SMIM31: variants seen among roughly 807,000 people sequenced by gnomAD.
SMIM31 encodes the protein small integral membrane protein 31.
At chr4:164,758,637 T>TG (rs1560822468) in intron 1 of SMIM31, among the ~76,000 whole-genome samples, 6 of 125,880 alleles carry the variant, frequency 4.8e-5, no homozygotes, top group East Asian at 4.4e-4. Flanking sequence ...TTTGTTTTTT[T>TG]TTTTTTTTTT....
At chr4:164,780,161 C>T (rs1732928330) in intron 2 of SMIM31, among the ~76,000 whole-genome samples, 1 of 152,228 alleles carries the variant, frequency 6.6e-6, no homozygotes, top group Non-Finnish European at 1.5e-5. Context: ...GGCGCGGTGG[C>T]TCACACCTAT....
chr4:164,756,662 A>G (rs1732566204), intron 1 of SMIM31, among the ~76,000 whole-genome samples: 1 of 151,986 alleles, frequency 6.6e-6, no homozygotes, highest in African/African-American at 2.4e-5. Flanking sequence ...CTTTTACCTA[A>G]TCAAGTTCTA....
chr4:164,758,622 C>CTTTTTTTTTTTTTT (rs779023276), intron 1 of SMIM31, among the ~76,000 whole-genome samples: 1 of 105,430 alleles, frequency 9.5e-6, no homozygotes, highest in Non-Finnish European at 1.9e-5. Flanking sequence ...TGTAGTTTTC[C>CTTTTTTTTTTTTTT]TTTTTTTGTT....
At chr4:164,790,538 T>G (rs1318925881) in intron 2 of SMIM31, among the ~76,000 whole-genome samples, 1 of 152,176 alleles carries the variant, frequency 6.6e-6, no homozygotes, top group Non-Finnish European at 1.5e-5. Context: ...TAAATTAGGC[T>G]TAGTTTTCAT....
At chr4:164,796,472 C>T (rs7667756) in intron 2 of SMIM31, among the ~76,000 whole-genome samples, 84,433 of 151,956 alleles carry the variant, frequency 0.56, 24,152 homozygotes, top group South Asian at 0.65. Context: ...CCTTGGGGAT[C>T]GCTTTTACCT....
At chr4:164,784,371 G>A (rs1732999844) in intron 2 of SMIM31, among the ~76,000 whole-genome samples, 1 of 152,228 alleles carries the variant, frequency 6.6e-6, no homozygotes, top group East Asian at 1.9e-4. Context: ...GTAACTGCTA[G>A]ACGCCGTTGG....
intron 1 of SMIM31, among the ~76,000 whole-genome samples, chr4:164,756,199 C>A (rs777525528): frequency 6.6e-6 from 1 of 152,084 alleles, no homozygotes; most frequent in South Asian, 2.1e-4. Flanking sequence ...AATCCAAACC[C>A]CCGTCAAGAT....
intron 1 of SMIM31, among the ~76,000 whole-genome samples, chr4:164,760,097 A>AG (rs1732625656): frequency 6.6e-6 from 1 of 152,196 alleles, no homozygotes; most frequent in Non-Finnish European, 1.5e-5. Context: ...AAAAGCCAGG[A>AG]GGATAGTGCA....
intron 2 of SMIM31, among the ~76,000 whole-genome samples, chr4:164,793,582 GGCAGCCACTATATC>G (rs1485892591): frequency 6.6e-6 from 1 of 152,164 alleles, no homozygotes; most frequent in Non-Finnish European, 1.5e-5. Context: ...TTGGCTTGTA[GGCAGCCACTATATC>G]GCTGTTTGCT....
At position 164,803,118 on chromosome 4, in the gene SMIM31, G is replaced by A. The variant is rs1236783012; in HGVS notation, c.*1924G>A. The A allele has an allele frequency of 6.6e-6, 1 of 152,146 alleles. No individual in the cohort carries two copies. The highest frequency in any genetic ancestry group is 2.4e-5 in the African/African-American group (1 of 41,416). 9.4% of individuals were successfully genotyped at this position (152,146 alleles called of 1,614,324 possible). The stretch of plus-strand genomic sequence containing the variant: ...ACCTATTATTATTGGAAAGCATTTT[G>A]GGACATTTGGACTTTTAAGTTTACT... On this transcript the variant is annotated 3_prime_UTR_variant, in exon 3 of 3. Transcript: ENST00000507311.
chr4:164,767,314 T>C (rs909570529), intron 1 of SMIM31, among the ~76,000 whole-genome samples: 1 of 152,186 alleles, frequency 6.6e-6, no homozygotes, highest in Non-Finnish European at 1.5e-5. Flanking sequence ...TAACCAGGCT[T>C]TAGTCACTAG....
chr4:164,762,928 G>A (rs1284195138), intron 1 of SMIM31, among the ~76,000 whole-genome samples: 1 of 152,046 alleles, frequency 6.6e-6, no homozygotes, highest in Non-Finnish European at 1.5e-5. Flanking sequence ...CTCTCCTTGG[G>A]CAAAAATAAA....
intron 2 of SMIM31, among the ~76,000 whole-genome samples, chr4:164,797,913 G>A (rs1225397435): frequency 6.6e-6 from 1 of 151,986 alleles, no homozygotes; most frequent in East Asian, 1.9e-4. Context: ...TGTCCCTAAT[G>A]TCTATTACTC....
chr4:164,797,429 T>G (rs1039146187), intron 2 of SMIM31, among the ~76,000 whole-genome samples: 1 of 151,488 alleles, frequency 6.6e-6, no homozygotes, highest in Admixed American at 6.6e-5. Flanking sequence ...TATATATGTA[T>G]GTATGTATTT....
rs367910256 is a variant in SMIM31 at position 164,782,750 on chromosome 4, AATG to A, written c.112+12201_112+12203del. ...TTCACATCAAATAAATTAATATAGA[AATG>A]ATGATAAAATATGTAAACAGTACTG... On this transcript the variant is annotated intron_variant, in intron 2 of 2. Coordinates refer to ENST00000507311, the MANE Select transcript of SMIM31 (RefSeq NM_001352885.1). Among the ~76,000 whole-genome samples, 675 of 152,186 alleles carry A rather than the reference AATG, an allele frequency of 4.4e-3. 5 individuals carry two copies. The highest frequency in any genetic ancestry group is 0.015 in the African/African-American group (630 of 41,478).
At chr4:164,775,875 T>C (rs1732874688) in intron 2 of SMIM31, among the ~76,000 whole-genome samples, 1 of 152,194 alleles carries the variant, frequency 6.6e-6, no homozygotes, top group Admixed American at 6.5e-5. Context: ...TACCCATGTG[T>C]GTGCAGCTGA....
At chr4:164,765,777 T>C (rs961034552) in intron 1 of SMIM31, among the ~76,000 whole-genome samples, 1 of 152,142 alleles carries the variant, frequency 6.6e-6, no homozygotes, top group African/African-American at 2.4e-5. Context: ...AGCCCATAGT[T>C]TTCTAATGTA....
In SMIM31 at chr4:164,794,160, T is replaced by G. The variant is rs117587762; in HGVS notation, c.113-6931T>G. ...GGGAGGCCAAGGCAGGTGGATCATT[T>G]GAGCCCAGGAGTTCCAGACCAGCCT... On this transcript the variant is annotated intron_variant, in intron 2 of 2. Transcript: ENST00000507311. Among the ~76,000 whole-genome samples the G allele has an allele frequency of 4.0e-4, 60 of 151,268 alleles. No individual in the cohort carries two copies. The East Asian group carries it at 0.011, about 28-fold the overall frequency.
chr4:164,766,534 C>T (rs1239389768), intron 1 of SMIM31, among the ~76,000 whole-genome samples: 2 of 152,116 alleles, frequency 1.3e-5, no homozygotes, highest in Non-Finnish European at 2.9e-5. Flanking sequence ...CACGGTGGCT[C>T]ACGTCTGTAA....
Sources: allele counts gnomAD v4.1 joint callset (sites outside exome capture counted in the v4.1 genomes callset), GRCh38; gene constraint gnomAD v4.1.1; transcripts MANE v1.5; gene names NCBI Gene and HGNC (gene_info 2026-07-23, HGNC 2026-07-21).